COL22A1: variants seen among roughly 807,000 people sequenced by gnomAD.
COL22A1 encodes collagen type XXII alpha 1 chain.
A neutral mutation model predicts 248.9 loss-of-function variants in COL22A1; 221 were observed. The observed-to-expected ratio is 0.89, with a 90% CI of 0.80 to 0.99. COL22A1 has a LOEUF of 0.99. Ranked by LOEUF, COL22A1 falls within the 50% of genes least tolerant of loss-of-function variation. The pLI, the probability that COL22A1 is intolerant of heterozygous loss-of-function variation, is 0.00. For synonymous variants in COL22A1, 891 were observed against 793.4 expected (o/e 1.12, Z -2.07); for missense variants, 2,240 against 2,179.0 (o/e 1.03, Z -0.56).
chr8:138,824,081 G>A (rs1223581268), intron 6 of COL22A1, among the ~76,000 whole-genome samples: 1 of 152,176 alleles, frequency 6.6e-6, no homozygotes, highest in African/African-American at 2.4e-5. Context: ...TATGCTATGA[G>A]TAGGGCATAA....
chr8:138,707,003 A>ACTGG (rs1828520035), intron 30 of COL22A1, among the ~76,000 whole-genome samples: 1 of 152,006 alleles, frequency 6.6e-6, no homozygotes, highest in Non-Finnish European at 1.5e-5. Context: ...AGAATACTAT[A>ACTGG]AACACTTCTA....
Position 138,737,574 on chromosome 8 carries a change from TC to T in COL22A1, c.2088del (p.Lys697ArgfsTer118). ...CCAGGTGGTCCCATGTCACCTTTCT[TC>T]CCCTGAGTGTAAAAGAAGAAGCTAA... Reference protein sequence around the residue: ...DGPPGLQGLRGKKGDMGPPGI... With the variant: ...DGPPGLQGLRXKKGDMGPPGI... On this transcript the variant is annotated frameshift_variant and splice_region_variant, in exon 23 of 65. Transcript: ENST00000303045. LOFTEE classifies it high-confidence loss of function. The T allele has an allele frequency of 6.2e-7, 1 of 1,608,586 alleles. No individual in the cohort carries two copies. Among genetic ancestry groups the T allele is most frequent in the Non-Finnish European group, 8.5e-7 (1 of 1,175,544 alleles).
At chr8:138,876,328 C>G (rs960000492) in intron 3 of COL22A1, among the ~76,000 whole-genome samples, 1 of 152,164 alleles carries the variant, frequency 6.6e-6, no homozygotes, top group African/African-American at 2.4e-5. Flanking sequence ...TTCTCAGTAT[C>G]CCCACACATA....
In COL22A1 at chr8:138,762,588, G is replaced by GCACACA. The variant is rs5895560; in HGVS notation, c.1804-128_1804-123dup. 693 of 551,208 alleles carry GCACACA rather than the reference G, an allele frequency of 1.3e-3. 4 individuals are homozygous for GCACACA. Among genetic ancestry groups the GCACACA allele is most frequent in the African/African-American group, 0.012 (588 of 51,012 alleles). 34.1% of individuals were successfully genotyped at this position (551,208 alleles called of 1,614,324 possible). The stretch of plus-strand genomic sequence containing the variant: ...TGGGGAAAAGGTGCCAAACGCACGT[G>GCACACA]CACACACACACACACACACACAACA... On this transcript the variant is annotated intron_variant, in intron 16 of 64. Coordinates refer to ENST00000303045, the MANE Select transcript of COL22A1 (RefSeq NM_152888.3).
At chr8:138,795,073 A>C (rs1816384289) in intron 12 of COL22A1, among the ~76,000 whole-genome samples, 1 of 152,132 alleles carries the variant, frequency 6.6e-6, no homozygotes, top group African/African-American at 2.4e-5. Flanking sequence ...TGTCCTTACC[A>C]CAATTAAATG....
chr8:138,598,896 T>C lies in COL22A1; in HGVS notation c.4188A>G (p.Gly1396=), dbSNP rs750583511. The C allele has an allele frequency of 6.2e-7, 1 of 1,614,048 alleles. No homozygotes were observed. Among genetic ancestry groups the C allele is most frequent in the South Asian group, 1.1e-5 (1 of 91,080 alleles). The change falls in exon 61 of 65, where the codon GGA becomes GGG. Residue 1396 remains glycine (G), a splice_region_variant and synonymous_variant. Transcript: ENST00000303045. ...PGEPGFKGER[G]DPGIKGDKGP... ...CTTTGTCACCTTTGATCCCAGGATCTCCCTAAGGAGGAAATAAGCATGTCA... is the reference window on the plus strand; with the variant it reads ...CTTTGTCACCTTTGATCCCAGGATCCCCCTAAGGAGGAAATAAGCATGTCA...
intron 24 of COL22A1, 148 bp from the exon 25 acceptor site, chr8:138,724,816 C>A: frequency 1.4e-6 from 1 of 720,056 alleles, no homozygotes; most frequent in Non-Finnish European, 2.4e-6. Context: ...CGCTGTGAAA[C>A]GCGGAGTTGT....
intron 4 of COL22A1, among the ~76,000 whole-genome samples, chr8:138,843,160 G>A (rs1821007339): frequency 6.6e-6 from 1 of 152,194 alleles, no homozygotes; most frequent in African/African-American, 2.4e-5. Context: ...CACATAGGCA[G>A]AGCAGCCTTC....
At chr8:138,593,109 A>G (rs1044947981) in intron 63 of COL22A1, among the ~76,000 whole-genome samples, 2 of 152,176 alleles carry the variant, frequency 1.3e-5, no homozygotes, top group African/African-American at 4.8e-5. Flanking sequence ...CAGCAAACTA[A>G]CACAGGAACA....
At chr8:138,660,156 C>G (rs888843924) in intron 44 of COL22A1, among the ~76,000 whole-genome samples, 2 of 152,224 alleles carry the variant, frequency 1.3e-5, no homozygotes, top group African/African-American at 4.8e-5. Context: ...TTGGGCCAAG[C>G]CTTCTGACAG....
intron 61 of COL22A1, 57 bp downstream of exon 61, chr8:138,598,662 T>C (rs868488572): frequency 7.3e-6 from 11 of 1,515,680 alleles, no homozygotes; most frequent in Non-Finnish European, 8.9e-6. Flanking sequence ...CACACTTCCC[T>C]GGCTCCCCCT....
intron 13 of COL22A1, 152 bp from the exon 14 acceptor site, chr8:138,779,714 C>T (rs1814788540): frequency 1.7e-6 from 1 of 600,534 alleles, no homozygotes. Flanking sequence ...CCCGGGCTCC[C>T]CTCAGATGCT....
chr8:138,666,038 A>T (rs914481494), intron 41 of COL22A1, among the ~76,000 whole-genome samples: 7 of 152,144 alleles, frequency 4.6e-5, no homozygotes, highest in South Asian at 4.2e-4. Flanking sequence ...TGAACTAAAA[A>T]ATATATATAT....
At chr8:138,673,794 C>G (rs1390760211) in intron 41 of COL22A1, among the ~76,000 whole-genome samples, 1 of 152,106 alleles carries the variant, frequency 6.6e-6, no homozygotes, top group Non-Finnish European at 1.5e-5. Context: ...CCTGGGCATG[C>G]ACCTGCCCAG....
At chr8:138,902,952 C>T (rs1814728937) in intron 1 of COL22A1, among the ~76,000 whole-genome samples, 1 of 152,060 alleles carries the variant, frequency 6.6e-6, no homozygotes, top group South Asian at 2.1e-4. Flanking sequence ...CCTGGTTGTT[C>T]AAGGGTGGTT....
chr8:138,756,730 C>T (rs139945154), intron 18 of COL22A1, among the ~76,000 whole-genome samples: 29 of 152,148 alleles, frequency 1.9e-4, no homozygotes, highest in Admixed American at 7.9e-4. Flanking sequence ...TCAAGACACA[C>T]GCTCACTGCC....
chr8:138,678,073 T>C (rs1442850062), intron 40 of COL22A1, among the ~76,000 whole-genome samples: 1 of 152,226 alleles, frequency 6.6e-6, no homozygotes, highest in Non-Finnish European at 1.5e-5. Flanking sequence ...TGACTTGCCT[T>C]TCCTATAGTA....
chr8:138,795,885 T>C (rs1428835660), intron 12 of COL22A1, among the ~76,000 whole-genome samples: 1 of 152,102 alleles, frequency 6.6e-6, no homozygotes, highest in Non-Finnish European at 1.5e-5. Context: ...TAATGGAGTG[T>C]TACATGTGTT....
chr8:138,618,202 G>A (rs1819489777), intron 53 of COL22A1, among the ~76,000 whole-genome samples: 1 of 152,238 alleles, frequency 6.6e-6, no homozygotes, highest in African/African-American at 2.4e-5. Flanking sequence ...CAGGGGTTCA[G>A]AAAGGTCCTC....
Sources: allele counts gnomAD v4.1 joint callset (sites outside exome capture counted in the v4.1 genomes callset), GRCh38; gene constraint gnomAD v4.1.1; transcripts MANE v1.5; gene names NCBI Gene and HGNC (gene_info 2026-07-23, HGNC 2026-07-21).